ACOXL: variants seen among roughly 807,000 people sequenced by gnomAD.
ACOXL encodes acyl-coenzyme A oxidase-like protein.
Under a neutral mutation model 71.9 loss-of-function variants are expected in ACOXL, and 70 were observed. That is an observed-to-expected ratio of 0.97 (90% CI 0.80 to 1.19). ACOXL has a LOEUF of 1.19. Ranked by LOEUF, ACOXL falls within the 50% of genes most tolerant of loss-of-function variation. The pLI is 0.00. For synonymous variants in ACOXL, 253 were observed against 281.6 expected (o/e 0.90, Z 1.02); for missense variants, 703 against 736.3 (o/e 0.95, Z 0.52).
At chr2:110,738,086 T>C (rs1168514984) in intron 1 of ACOXL, among the ~76,000 whole-genome samples, 1 of 152,204 alleles carries the variant, frequency 6.6e-6, no homozygotes, top group African/African-American at 2.4e-5. Flanking sequence ...TGAGCTTCCA[T>C]TTAAAAAGTG....
At chr2:110,998,055 A>G (rs1282103379) in intron 14 of ACOXL, among the ~76,000 whole-genome samples, 1 of 152,178 alleles carries the variant, frequency 6.6e-6, no homozygotes, top group Non-Finnish European at 1.5e-5. Context: ...TGTCTCAAAA[A>G]ATAATACGGA....
chr2:110,895,865 C>T (rs1360754572), intron 10 of ACOXL, among the ~76,000 whole-genome samples: 1 of 151,942 alleles, frequency 6.6e-6, no homozygotes, highest in Non-Finnish European at 1.5e-5. Context: ...CTAAAAGAAT[C>T]CTAAAAGAAT....
intron 5 of ACOXL, among the ~76,000 whole-genome samples, chr2:110,796,683 C>T (rs1685323408): frequency 6.6e-6 from 1 of 152,156 alleles, no homozygotes; most frequent in Non-Finnish European, 1.5e-5. Context: ...TGTTATTTTT[C>T]TCTGCACTCA....
intron 9 of ACOXL, among the ~76,000 whole-genome samples, chr2:110,832,775 G>C (rs530763710): frequency 6.6e-6 from 1 of 152,220 alleles, no homozygotes; most frequent in East Asian, 1.9e-4. Flanking sequence ...AAGAGATTAA[G>C]AGCTATTTAT....
intron 10 of ACOXL, among the ~76,000 whole-genome samples, chr2:110,883,313 T>C (rs1696897807): frequency 6.6e-6 from 1 of 152,110 alleles, no homozygotes; most frequent in African/African-American, 2.4e-5. Flanking sequence ...TTTCATCATG[T>C]TGGCCAGGCT....
chr2:110,854,434 C>T (rs1692997318), intron 10 of ACOXL, among the ~76,000 whole-genome samples: 2 of 151,704 alleles, frequency 1.3e-5, no homozygotes, highest in African/African-American at 4.8e-5. Flanking sequence ...GACTTTTCCC[C>T]AAAGTGTGTC....
At chr2:110,806,198 G>A (rs17041553) in intron 9 of ACOXL, among the ~76,000 whole-genome samples, 5,378 of 152,312 alleles carry the variant, frequency 0.035, 120 homozygotes, top group East Asian at 0.055. Flanking sequence ...GGTCGGCCAC[G>A]CTTCACAGAT....
At chr2:110,777,700 CAG>C (rs1179162501) in intron 2 of ACOXL, among the ~76,000 whole-genome samples, 1 of 152,316 alleles carries the variant, frequency 6.6e-6, no homozygotes, top group African/African-American at 2.4e-5. Context: ...GTGGCTCAGA[CAG>C]GGGCCATCAG....
intron 9 of ACOXL, among the ~76,000 whole-genome samples, chr2:110,817,899 CCTTT>C (rs1688098930): frequency 6.6e-6 from 1 of 150,872 alleles, no homozygotes; most frequent in African/African-American, 2.4e-5. Flanking sequence ...TGGCGCGTTC[CCTTT>C]CTTCTATTTG....
At chr2:110,954,377 C>T (rs1482238397) in intron 12 of ACOXL, among the ~76,000 whole-genome samples, 1 of 152,148 alleles carries the variant, frequency 6.6e-6, no homozygotes, top group Non-Finnish European at 1.5e-5. Context: ...TTTTCCATCT[C>T]TTATTTTCTA....
At chr2:111,030,917 C>A (rs1389457129) in intron 14 of ACOXL, among the ~76,000 whole-genome samples, 1 of 152,178 alleles carries the variant, frequency 6.6e-6, no homozygotes. Context: ...CGGTATCTTT[C>A]TGTTCTCTGT....
chr2:110,802,010 A>T (rs1374413316), intron 8 of ACOXL, among the ~76,000 whole-genome samples: 1 of 152,192 alleles, frequency 6.6e-6, no homozygotes, highest in Non-Finnish European at 1.5e-5. Context: ...GAGGTGTCAG[A>T]TTTTTACTAA....
chr2:110,880,870 C>T (rs998070563), intron 10 of ACOXL, among the ~76,000 whole-genome samples: 7 of 152,176 alleles, frequency 4.6e-5, no homozygotes, highest in Non-Finnish European at 1.0e-4. Flanking sequence ...GAGGAGGCTC[C>T]TTTCTCCCAC....
intron 9 of ACOXL, among the ~76,000 whole-genome samples, chr2:110,815,931 C>T (rs1687853393): frequency 6.6e-6 from 1 of 152,166 alleles, no homozygotes; most frequent in Non-Finnish European, 1.5e-5. Flanking sequence ...TCTGGATGAA[C>T]AGGACCTGGT....
In ACOXL at chr2:110,987,199, G is replaced by A. The variant is rs1210435982; in HGVS notation, c.1151G>A (p.Gly384Glu). ...GLLQNWAESV[G>E]DKLRTSFLAF... ...CTCCAAAACTGGGCTGAATCTGTGG[G>A]GGACAAGCTGAGAACCAGGTACGTA... The change falls in exon 13 of 18, where the codon GGG (glycine) becomes GAG (glutamate). Residue 384 changes from glycine to glutamate, a missense_variant. By Grantham distance (98) the Gly-to-Glu change is moderately conservative. Coordinates refer to ENST00000439055, the MANE Select transcript of ACOXL (RefSeq NM_001142807.4). 1 of 1,574,344 alleles carries A rather than the reference G, an allele frequency of 6.4e-7. No individual in the cohort carries two copies. The highest frequency in any genetic ancestry group is 8.6e-7 in the Non-Finnish European group (1 of 1,156,944).
chr2:110,888,168 C>T (rs1261234006), intron 10 of ACOXL, among the ~76,000 whole-genome samples: 1 of 152,142 alleles, frequency 6.6e-6, no homozygotes, highest in Non-Finnish European at 1.5e-5. Context: ...CCAAACCCAA[C>T]CCCTATCACC....
intron 1 of ACOXL, among the ~76,000 whole-genome samples, chr2:110,767,531 C>G (rs1255877277): frequency 9.2e-5 from 14 of 152,184 alleles, no homozygotes; most frequent in Non-Finnish European, 4.4e-5. Flanking sequence ...CCTTGTGAGG[C>G]TCAACCATCA....
At chr2:110,744,002 C>A (rs1677866041) in intron 1 of ACOXL, among the ~76,000 whole-genome samples, 1 of 152,158 alleles carries the variant, frequency 6.6e-6, no homozygotes, top group Admixed American at 6.5e-5. Flanking sequence ...CCTCTGGGGC[C>A]CCCCAGGCAC....
intron 9 of ACOXL, among the ~76,000 whole-genome samples, chr2:110,828,309 A>G (rs569023893): frequency 1.3e-5 from 2 of 152,112 alleles, no homozygotes; most frequent in East Asian, 1.9e-4. Flanking sequence ...CATTATTTCA[A>G]TTTTTGCTTT....
Sources: gnomAD v4.1 joint callset for allele counts (sites outside exome capture counted in the v4.1 genomes callset) on GRCh38, gnomAD v4.1.1 for gene constraint, MANE v1.5 for transcripts, NCBI Gene and HGNC (gene_info 2026-07-23, HGNC 2026-07-21) for gene names.